NSMAF: variants seen among roughly 807,000 people sequenced by gnomAD.
NSMAF encodes the protein protein FAN.
NSMAF carries 90 observed loss-of-function variants against 134.9 expected under a neutral mutation model. The ratio of observed to expected loss-of-function variants is 0.67; its 90% CI spans 0.56 to 0.79. NSMAF has a LOEUF of 0.79. Ranked by LOEUF, NSMAF falls within the 30% of genes least tolerant of loss-of-function variation. The pLI is 0.00. For synonymous variants in NSMAF, 358 were observed against 389.6 expected (o/e 0.92, Z 0.96); for missense variants, 1,010 against 1,119.0 (o/e 0.90, Z 1.39).
chr8:58,603,238 T>A lies in NSMAF; in HGVS notation c.1017A>T (p.Ile339=). Reference sequence around the variant, plus strand: ...GTTCTGAGCTGGAATAATCATGTATTATCCATGGAAACACAGGGTACTGGG... The same window carrying A: ...GTTCTGAGCTGGAATAATCATGTATAATCCATGGAAACACAGGGTACTGGG... ...DLSQYPVFPW[I]IHDYSSSELD... is the part of the protein sequence containing the mutation. Residue 339 remains isoleucine (I), a synonymous_variant, in exon 13 of 31, where the codon ATA becomes ATT. Coordinates refer to ENST00000038176, the MANE Select transcript of NSMAF (RefSeq NM_003580.4). The A allele has an allele frequency of 6.2e-7, 1 of 1,614,172 alleles. No individual in the cohort carries two copies. The highest frequency in any genetic ancestry group is 1.1e-5 in the South Asian group (1 of 91,086).
intron 12 of NSMAF, among the ~76,000 whole-genome samples, chr8:58,605,397 A>AT (rs1442220633): frequency 6.6e-6 from 1 of 152,222 alleles, no homozygotes; most frequent in Non-Finnish European, 1.5e-5. Context: ...ATAAACTAAT[A>AT]TAAGACCTGA....
chr8:58,586,471 A>T lies in NSMAF; in HGVS notation c.2433T>A (p.Thr811=). 2.5e-6 allele frequency: 4 copies of T among 1,608,058 alleles called. No individual in the cohort carries two copies. Among genetic ancestry groups the T allele is most frequent in the Non-Finnish European group, 3.4e-6 (4 of 1,179,940 alleles). Residue 811 remains threonine (T), a synonymous_variant, in exon 28 of 31, where the codon ACT becomes ACA. Coordinates refer to ENST00000038176, the MANE Select transcript of NSMAF (RefSeq NM_003580.4). ...IPCHSGIVCD[T]AFSPDSRHVL... ...GATAATATCTACCTGGGCTAAAAGC[A>T]GTGTCACATACAATCCCTGAATGGC...
At chr8:58,610,781 G>A (rs1278243099) in intron 9 of NSMAF, among the ~76,000 whole-genome samples, 2 of 152,138 alleles carry the variant, frequency 1.3e-5, no homozygotes, top group Non-Finnish European at 2.9e-5. Context: ...GCAAAACAAG[G>A]GAAATCTCCC....
At chr8:58,593,280 C>T (rs1265019519) in intron 23 of NSMAF, among the ~76,000 whole-genome samples, 1 of 152,134 alleles carries the variant, frequency 6.6e-6, no homozygotes, top group African/African-American at 2.4e-5. Context: ...AGAATCACTT[C>T]TATGCTTTGT....
At chr8:58,600,978 G>A (rs927254021) in intron 16 of NSMAF, among the ~76,000 whole-genome samples, 2 of 152,144 alleles carry the variant, frequency 1.3e-5, no homozygotes, top group African/African-American at 2.4e-5. Context: ...TATGGCATAT[G>A]TTAGAATGTG....
At chr8:58,587,594 G>C in intron 27 of NSMAF, 24 bp downstream of exon 27, 1 of 1,606,908 alleles carries the variant, frequency 6.2e-7, no homozygotes, top group South Asian at 1.1e-5. Context: ...TCAGTTTTCT[G>C]TACAGTTTGT....
At chr8:58,598,490 C>CAAAAAAAAAAAAAA (rs71250204) in intron 19 of NSMAF, among the ~76,000 whole-genome samples, 22 of 125,952 alleles carry the variant, frequency 1.7e-4, no homozygotes, top group Middle Eastern at 3.6e-3. Flanking sequence ...CTGTCTCAAA[C>CAAAAAAAAAAAAAA]AAAAAAAAAA....
In NSMAF at chr8:58,598,570, C is replaced by T. The variant is rs143795707; in HGVS notation, c.1585+662G>A. Among the ~76,000 whole-genome samples the T allele has an allele frequency of 4.7e-3, 714 of 151,356 alleles. 6 individuals carry two copies. The highest frequency in any genetic ancestry group is 0.016 in the African/African-American group (661 of 41,210). Reference sequence around the variant, plus strand: ...CTGGGTCTTCCATAGGAATTGAGGCCACTGTTCTATCACACTGTAATAGAG... The same window carrying T: ...CTGGGTCTTCCATAGGAATTGAGGCTACTGTTCTATCACACTGTAATAGAG... On this transcript the variant is annotated intron_variant, in intron 19 of 30. Transcript: ENST00000038176.
intron 6 of NSMAF, among the ~76,000 whole-genome samples, chr8:58,625,416 A>ATGTATGTATGTATGTATGTATG (rs111516405): frequency 1.3e-5 from 2 of 150,888 alleles, no homozygotes; most frequent in African/African-American, 4.9e-5. Context: ...GTATGTATGT[A>ATGTATGTATGTATGTATGTATG]TATATATGTG....
intron 1 of NSMAF, 135 bp from the exon 2 acceptor site, chr8:58,643,208 T>C (rs967732628): frequency 1.5e-5 from 10 of 682,728 alleles, no homozygotes; most frequent in South Asian, 5.2e-5. Flanking sequence ...ATGTATATCA[T>C]GCCAGGCAGT....
chr8:58,588,580 T>C (rs1258916563), intron 26 of NSMAF: 18 of 1,320,726 alleles, frequency 1.4e-5, no homozygotes, highest in East Asian at 9.2e-5. Context: ...GGGAAGCAAA[T>C]AGGCATCAAA....
intron 30 of NSMAF, among the ~76,000 whole-genome samples, chr8:58,584,695 T>C (rs1208113948): frequency 1.3e-5 from 2 of 152,176 alleles, no homozygotes; most frequent in African/African-American, 4.8e-5. Context: ...TGGAGTACAG[T>C]GGCATGATGA....
In NSMAF at chr8:58,659,368, C is replaced by T. The variant is rs540537765; in HGVS notation, c.59+205G>A. 84 of 1,524,132 alleles carry T rather than the reference C, an allele frequency of 5.5e-5. No individual in the cohort carries two copies. The African/African-American group carries it at 1.0e-3, about 18-fold the overall frequency. 94.4% of individuals were successfully genotyped at this position (1,524,132 alleles called of 1,614,324 possible). A position where few individuals can be genotyped will look rare whatever the true frequency, so the allele number is the denominator to read the frequency against. On this transcript the variant is annotated intron_variant, in intron 1 of 30. Transcript: ENST00000038176. ...TCATCCAGTTCCTGTCCCCGGCAGG[C>T]TCCGGCCCAGACCAGGCCCCCGGCC...
intron 5 of NSMAF, among the ~76,000 whole-genome samples, chr8:58,633,839 T>G (rs1486672832): frequency 6.6e-6 from 1 of 152,176 alleles, no homozygotes; most frequent in Non-Finnish European, 1.5e-5. Flanking sequence ...AAATAATGCT[T>G]GAAAGAGTAG....
intron 20 of NSMAF, 126 bp from the exon 21 acceptor site, chr8:58,597,676 G>T: frequency 9.9e-7 from 1 of 1,015,100 alleles, no homozygotes; most frequent in Non-Finnish European, 1.5e-6. Context: ...CTATGTACCA[G>T]GATTGTCTAA....
At chr8:58,598,025 A>C (rs939418217) in intron 19 of NSMAF, 123 bp from the exon 20 acceptor site, 1 of 697,296 alleles carries the variant, frequency 1.4e-6, no homozygotes. Flanking sequence ...TTCACTTTGC[A>C]AAACAGACTA....
intron 5 of NSMAF, among the ~76,000 whole-genome samples, chr8:58,632,968 C>A (rs985993724): frequency 1.3e-5 from 2 of 152,210 alleles, no homozygotes; most frequent in African/African-American, 4.8e-5. Context: ...TATACCTAGA[C>A]AATGACCACC....
chr8:58,656,237 C>T (rs971655730), intron 1 of NSMAF, among the ~76,000 whole-genome samples: 2 of 151,932 alleles, frequency 1.3e-5, no homozygotes, highest in African/African-American at 4.8e-5. Flanking sequence ...CTCCTCACCT[C>T]GTGATCTGCC....
At chr8:58,651,532 C>G (rs1807581469) in intron 1 of NSMAF, among the ~76,000 whole-genome samples, 1 of 152,116 alleles carries the variant, frequency 6.6e-6, no homozygotes, top group Non-Finnish European at 1.5e-5. Context: ...ATCCATAAAG[C>G]CAGTCAATTC....
Sources: gnomAD v4.1 joint callset for allele counts (sites outside exome capture counted in the v4.1 genomes callset) on GRCh38, gnomAD v4.1.1 for gene constraint, MANE v1.5 for transcripts, NCBI Gene and HGNC (gene_info 2026-07-23, HGNC 2026-07-21) for gene names.